MARCHF1: variants seen among roughly 807,000 people sequenced by gnomAD.
MARCHF1 encodes the protein membrane associated ring-CH-type finger 1.
MARCHF1 carries 40 observed loss-of-function variants against 54.2 expected under a neutral mutation model. That is an observed-to-expected ratio of 0.74 (90% confidence interval 0.57 to 0.96). The LOEUF is 0.96. Ranked by LOEUF, MARCHF1 falls within the 40% of genes least tolerant of loss-of-function variation. The pLI is 0.00. For synonymous variants in MARCHF1, 236 were observed against 236.3 expected, an observed-to-expected ratio of 1.00 and a Z score of 0.01; for missense variants, 586 against 656.5, an observed-to-expected ratio of 0.89 and a Z score of 1.17.
At chr4:164,194,990 G>C (rs1006075701) in intron 1 of MARCHF1, among the ~76,000 whole-genome samples, 3 of 150,420 alleles carry the variant, frequency 2.0e-5, no homozygotes, top group Non-Finnish European at 3.0e-5. Flanking sequence ...ACAGGCCCCA[G>C]TGTGTGATGT....
At chr4:163,824,585 G>A (rs1490990365) in intron 4 of MARCHF1, among the ~76,000 whole-genome samples, 10 of 92,356 alleles carry the variant, frequency 1.1e-4, no homozygotes, top group African/African-American at 2.7e-4. Context: ...CATGGGCAAG[G>A]ACTTCATGTC....
chr4:163,665,867 G>A (rs1182481126), intron 5 of MARCHF1, among the ~76,000 whole-genome samples: 2 of 151,856 alleles, frequency 1.3e-5, no homozygotes, highest in East Asian at 1.9e-4. Context: ...CTCCTCCATT[G>A]GGCATACCAA....
chr4:163,630,786 GAA>G (rs1742047676), intron 5 of MARCHF1, among the ~76,000 whole-genome samples: 1 of 151,678 alleles, frequency 6.6e-6, no homozygotes, highest in East Asian at 1.9e-4. Flanking sequence ...AAAAGGGAAA[GAA>G]GAGAGAAATG....
intron 1 of MARCHF1, among the ~76,000 whole-genome samples, chr4:164,168,377 G>A (rs1483745876): frequency 6.6e-6 from 1 of 151,932 alleles, no homozygotes; most frequent in African/African-American, 2.4e-5. Flanking sequence ...ATACAACCCA[G>A]TAATAATTTT....
intron 2 of MARCHF1, among the ~76,000 whole-genome samples, chr4:164,020,005 T>C (rs540563650): frequency 4.9e-4 from 74 of 152,340 alleles, no homozygotes; most frequent in Non-Finnish European, 2.4e-4. Context: ...ATATTGTTTT[T>C]GGCAGTGGAA....
intron 1 of MARCHF1, among the ~76,000 whole-genome samples, chr4:164,315,041 A>C (rs1734959520): frequency 6.6e-6 from 1 of 152,132 alleles, no homozygotes; most frequent in Admixed American, 6.5e-5. Flanking sequence ...AAAACAGAGA[A>C]GAGTTATGCC....
intron 3 of MARCHF1, among the ~76,000 whole-genome samples, chr4:163,941,812 G>T (rs997402443): frequency 6.6e-6 from 1 of 152,092 alleles, no homozygotes; most frequent in Admixed American, 6.6e-5. Context: ...ACTTAAAACG[G>T]CATATAGTAA....
chr4:163,575,619 A>C (rs1740010413), intron 8 of MARCHF1, among the ~76,000 whole-genome samples: 1 of 151,938 alleles, frequency 6.6e-6, no homozygotes, highest in Non-Finnish European at 1.5e-5. Context: ...TTTCAGTAGA[A>C]TTGGGACCAG....
At chr4:164,176,644 T>A (rs1047157223) in intron 1 of MARCHF1, among the ~76,000 whole-genome samples, 2 of 152,062 alleles carry the variant, frequency 1.3e-5, no homozygotes, top group Admixed American at 1.3e-4. Flanking sequence ...GAATCTAAGA[T>A]GCAGCTTTTC....
chr4:163,947,495 G>A (rs1435257045), intron 3 of MARCHF1, among the ~76,000 whole-genome samples: 10 of 152,180 alleles, frequency 6.6e-5, no homozygotes, highest in South Asian at 2.1e-4. Flanking sequence ...CCACATAAGA[G>A]GGAGGCAGAA....
intron 3 of MARCHF1, among the ~76,000 whole-genome samples, chr4:163,914,817 C>A (rs1339354478): frequency 3.3e-5 from 5 of 152,126 alleles, no homozygotes; most frequent in Non-Finnish European, 7.4e-5. Context: ...CTGTAGGTTT[C>A]TATTACATAT....
chr4:163,670,615 G>T (rs1743704315), intron 5 of MARCHF1, among the ~76,000 whole-genome samples: 1 of 146,444 alleles, frequency 6.8e-6, no homozygotes, highest in Non-Finnish European at 1.5e-5. Flanking sequence ...ATATTTTTTG[G>T]TCTCAGTTTA....
chr4:163,973,616 G>A (rs1189253249), intron 3 of MARCHF1, among the ~76,000 whole-genome samples: 2 of 152,134 alleles, frequency 1.3e-5, no homozygotes, highest in Admixed American at 6.5e-5. Flanking sequence ...AAACAAATAC[G>A]GGTTGTTACA....
chr4:163,909,176 AT>A (rs1751135458), intron 3 of MARCHF1, among the ~76,000 whole-genome samples: 1 of 152,130 alleles, frequency 6.6e-6, no homozygotes, highest in Non-Finnish European at 1.5e-5. Flanking sequence ...GATTAACTTA[AT>A]TTAATTTAAA....
At chr4:163,786,429 TC>T (rs1328471537) in intron 4 of MARCHF1, among the ~76,000 whole-genome samples, 1 of 151,856 alleles carries the variant, frequency 6.6e-6, no homozygotes, top group Non-Finnish European at 1.5e-5. Context: ...TCTCACTCTT[TC>T]TCCCTCTAAG....
rs750135118 is a variant in MARCHF1, at chr4:164,196,993, T to A, written c.-322-85331A>T. 3 of 1,604,466 alleles carry A rather than the reference T, an allele frequency of 1.9e-6. No individual in the cohort carries two copies. In the East Asian group the frequency reaches 6.7e-5, roughly 36 times the overall value. On this transcript the variant is annotated intron_variant, in intron 1 of 9. Coordinates refer to ENST00000514618, the MANE Select transcript of MARCHF1 (RefSeq NM_001394959.1). ...TTCTACTTAGTCATCATCTTCTCCC[T>A]CATCTTCAGGTTCTCATTTTCGCTT...
chr4:163,693,404 C>A (rs1339128793), intron 5 of MARCHF1, among the ~76,000 whole-genome samples: 1 of 151,336 alleles, frequency 6.6e-6, no homozygotes, highest in Non-Finnish European at 1.5e-5. Flanking sequence ...GCCTCTTTAA[C>A]AGATGACTCA....
chr4:163,592,167 T>G (rs1740611686), intron 7 of MARCHF1, among the ~76,000 whole-genome samples: 1 of 152,134 alleles, frequency 6.6e-6, no homozygotes, highest in Non-Finnish European at 1.5e-5. Flanking sequence ...AATAAAAATA[T>G]TTTACCAACA....
At chr4:163,626,998 T>A (rs1353087215) in intron 5 of MARCHF1, among the ~76,000 whole-genome samples, 1 of 152,158 alleles carries the variant, frequency 6.6e-6, no homozygotes, top group African/African-American at 2.4e-5. Context: ...AAGAGTCTTT[T>A]TGGTTGTGAA....
Sources: gnomAD v4.1 joint callset for allele counts (sites outside exome capture counted in the v4.1 genomes callset) on GRCh38, gnomAD v4.1.1 for gene constraint, MANE v1.5 for transcripts, NCBI Gene and HGNC (gene_info 2026-07-23, HGNC 2026-07-21) for gene names.